Variants in MON2 observed in about 807,000 individuals in gnomAD.
MON2 encodes the protein MON2 regulator of endosome-to-Golgi trafficking.
In MON2, 84 loss-of-function variants were observed where a neutral mutation model predicts 208.6. The observed-to-expected ratio is 0.40, with a 90% CI of 0.34 to 0.48. MON2 has a LOEUF of 0.48. MON2 is among the 20% of genes least tolerant of loss of function. The pLI, the probability that MON2 is intolerant of heterozygous loss-of-function variation, is 0.59. For missense variants in MON2, 1,611 were observed against 2,015.4 expected, an observed-to-expected ratio of 0.80 and a Z score of 3.84; for synonymous variants, 660 against 694.0, an observed-to-expected ratio of 0.95 and a Z score of 0.77.
At chr12:62,547,222 TG>T in intron 22 of MON2, 150 bp downstream of exon 22, 1 of 500,942 alleles carries the variant, frequency 2.0e-6, no homozygotes, top group Non-Finnish European at 3.1e-6. Flanking sequence ...ATGCGCTTCC[TG>T]CTTAAGGCTA....
intron 1 of MON2, among the ~76,000 whole-genome samples, chr12:62,467,666 G>A (rs1292210596): frequency 6.6e-6 from 1 of 152,212 alleles, no homozygotes; most frequent in Non-Finnish European, 1.5e-5. Flanking sequence ...TCCCCGAAAC[G>A]AGTATCCACC....
chr12:62,528,000 C>T (rs1187725571), intron 11 of MON2, among the ~76,000 whole-genome samples: 2 of 152,096 alleles, frequency 1.3e-5, no homozygotes, highest in African/African-American at 4.8e-5. Flanking sequence ...TTGAGTATAG[C>T]ACTTGATTTC....
At chr12:62,571,880 G>A (rs1285872466) in intron 30 of MON2, among the ~76,000 whole-genome samples, 1 of 152,188 alleles carries the variant, frequency 6.6e-6, no homozygotes, top group African/African-American at 2.4e-5. Context: ...TTTTTAATTT[G>A]ATGCCCATTG....
rs75035954 is a variant in MON2 at position 62,538,598 on chromosome 12, A to G, written c.2364+93A>G. The G allele has an allele frequency of 1.3e-3, 1,107 of 848,922 alleles. 9 individuals are homozygous for G. In the African/African-American group the frequency reaches 0.016, roughly 12 times the overall value. 52.6% of individuals were successfully genotyped at this position (848,922 alleles called of 1,614,324 possible). A position where few individuals can be genotyped will look rare whatever the true frequency, so the allele number is the denominator to read the frequency against. ...TCTTAGTGTTTTACTAGTAGAACTA[A>G]CACTCAGATTGTATGGTAACCATAC... On this transcript the variant is annotated intron_variant, in intron 19 of 34. Coordinates refer to ENST00000393630, the MANE Select transcript of MON2 (RefSeq NM_015026.3).
chr12:62,530,463 C>A (rs2072579387), intron 11 of MON2, among the ~76,000 whole-genome samples: 1 of 151,990 alleles, frequency 6.6e-6, no homozygotes, highest in African/African-American at 2.4e-5. Context: ...GATCTCCTGA[C>A]CTCGTGATCC....
At chr12:62,492,526 C>T (rs1435568248) in intron 2 of MON2, among the ~76,000 whole-genome samples, 5 of 149,562 alleles carry the variant, frequency 3.3e-5, no homozygotes, top group African/African-American at 1.2e-4. Context: ...CGCCCGCCAC[C>T]GCGCCCGACT....
chr12:62,551,643 T>G (rs987243205), intron 23 of MON2, among the ~76,000 whole-genome samples: 4 of 152,198 alleles, frequency 2.6e-5, no homozygotes, highest in African/African-American at 9.7e-5. Context: ...CCACAAACCT[T>G]TATAAATTGC....
chr12:62,528,369 A>G (rs941602087), intron 11 of MON2, among the ~76,000 whole-genome samples: 2 of 152,214 alleles, frequency 1.3e-5, no homozygotes, highest in Non-Finnish European at 2.9e-5. Flanking sequence ...GGACGTAAGT[A>G]TTGGTGGCAT....
chr12:62,571,363 T>A, intron 29 of MON2, 29 bp from the exon 30 acceptor site: 1 of 1,433,984 alleles, frequency 7.0e-7, no homozygotes, highest in South Asian at 1.4e-5. Flanking sequence ...TTTTAATTAA[T>A]GCTTATATTA....
At chr12:62,501,824 G>T (rs978748364) in intron 7 of MON2, 126 bp downstream of exon 7, 3 of 975,736 alleles carry the variant, frequency 3.1e-6, no homozygotes, top group South Asian at 3.1e-5. Context: ...GGTGGTTCAT[G>T]CCTGTAATTG....
At position 62,566,019 on chromosome 12, in the gene MON2, A is replaced by G; in HGVS notation, c.4182A>G (p.Gln1394=). The change falls in exon 28 of 35, where the codon CAA becomes CAG. Residue 1394 remains glutamine (Q), a synonymous_variant. Coordinates refer to ENST00000393630, the MANE Select transcript of MON2 (RefSeq NM_015026.3). ...ACACAATGGAATCACAATAGATCCAACTATTTGCACCGGTGAGTTAAATTT... is the reference window on the plus strand; with the variant it reads ...ACACAATGGAATCACAATAGATCCAGCTATTTGCACCGGTGAGTTAAATTT... The part of the protein sequence containing the change: ...HIANAKYNQI[Q]LFAPAEWVAL... 1 of 1,610,862 alleles carries G rather than the reference A, an allele frequency of 6.2e-7. No homozygotes were observed. Among genetic ancestry groups the G allele is most frequent in the Non-Finnish European group, 8.5e-7 (1 of 1,178,366 alleles).
intron 11 of MON2, among the ~76,000 whole-genome samples, chr12:62,526,964 T>A (rs1382119768): frequency 6.6e-6 from 1 of 151,784 alleles, no homozygotes; most frequent in Non-Finnish European, 1.5e-5. Context: ...CCATCTCTAC[T>A]AAAAATACAA....
At chr12:62,512,836 A>G (rs2071482466) in intron 8 of MON2, among the ~76,000 whole-genome samples, 1 of 152,154 alleles carries the variant, frequency 6.6e-6, no homozygotes, top group Non-Finnish European at 1.5e-5. Flanking sequence ...AGATGTTTCC[A>G]TACATCTTCT....
rs1475755677 is a variant in MON2, at chr12:62,579,559, TA to T, written c.4576-721del. On this transcript the variant is annotated intron_variant, in intron 31 of 34. Coordinates refer to ENST00000393630, the MANE Select transcript of MON2 (RefSeq NM_015026.3). ...TAACATGGTGAAACCCCGTCTCTAC[TA>T]AAAAAAAAAAAAAAAATTAGCTGGG... is the stretch of plus-strand genomic sequence containing the variant. 7.5e-3 allele frequency among the ~76,000 whole-genome samples: 1,028 copies of T among 137,224 alleles called. 11 individuals are homozygous for T. Among genetic ancestry groups the T allele is most frequent in the African/African-American group, 0.019 (726 of 37,618 alleles). 90.0% of individuals were successfully genotyped at this position (137,224 alleles called of 152,430 possible).
At chr12:62,483,679 G>C (rs2069586654) in intron 1 of MON2, among the ~76,000 whole-genome samples, 1 of 152,110 alleles carries the variant, frequency 6.6e-6, no homozygotes, top group South Asian at 2.1e-4. Flanking sequence ...TCGTGCCATT[G>C]GACTCCAGCC....
chr12:62,566,185 G>C (rs1190724981), intron 28 of MON2, 137 bp from the exon 29 acceptor site: 1 of 1,338,560 alleles, frequency 7.5e-7, no homozygotes, highest in East Asian at 2.3e-5. Context: ...ATATCTCTTT[G>C]AAAACTTTGC....
At chr12:62,484,028 T>C (rs1019839126) in intron 1 of MON2, 142 bp from the exon 2 acceptor site, 13 of 634,548 alleles carry the variant, frequency 2.0e-5, no homozygotes, top group Non-Finnish European at 3.7e-5. Flanking sequence ...GGGCTTAGTA[T>C]CTGATGGTTT....
intron 11 of MON2, among the ~76,000 whole-genome samples, chr12:62,527,174 A>G (rs773033916): frequency 2.0e-5 from 3 of 152,010 alleles, no homozygotes; most frequent in Non-Finnish European, 2.9e-5. Context: ...CTTAATATGA[A>G]ACAGACTCAG....
intron 29 of MON2, among the ~76,000 whole-genome samples, chr12:62,570,733 T>C (rs1320478190): frequency 7.6e-6 from 1 of 132,414 alleles, no homozygotes; most frequent in African/African-American, 2.9e-5. Context: ...TTTTTTTTTT[T>C]TTTTTTTTTT....
Sources: gnomAD v4.1 joint callset for allele counts (sites outside exome capture counted in the v4.1 genomes callset) on GRCh38, gnomAD v4.1.1 for gene constraint, MANE v1.5 for transcripts, NCBI Gene and HGNC (gene_info 2026-07-23, HGNC 2026-07-21) for gene names.